SLC35D4: variants seen among roughly 807,000 people sequenced by gnomAD.
The protein encoded by SLC35D4 is UDP-N-acetylglucosamine transporter SLC35D4.
chr18:23,325,145 G>C, the SLC35D4 span, among the ~76,000 whole-genome samples: 18 of 152,014 alleles, frequency 1.2e-4, no homozygotes, highest in African/African-American at 4.4e-4. Flanking sequence ...ACCTCAGGCA[G>C]ACCCATCCCC....
the SLC35D4 span, among the ~76,000 whole-genome samples, chr18:23,389,011 T>C: frequency 6.9e-6 from 1 of 145,902 alleles, no homozygotes; most frequent in Non-Finnish European, 1.5e-5. Context: ...TTTTTTTGAG[T>C]TGGAGTCTTG....
chr18:23,361,103 CAAAAAAA>C, the SLC35D4 span, among the ~76,000 whole-genome samples: 10 of 94,118 alleles, frequency 1.1e-4, no homozygotes, highest in East Asian at 2.8e-4. Flanking sequence ...GACTTTGTCT[CAAAAAAA>C]AAAAAAAAAA....
At chr18:23,364,572 G>A in the SLC35D4 span, among the ~76,000 whole-genome samples, 1 of 152,144 alleles carries the variant, frequency 6.6e-6, no homozygotes, top group Non-Finnish European at 1.5e-5. Flanking sequence ...AATCTGAAAA[G>A]CAACAACAGA....
chr18:23,323,347 G>A, the SLC35D4 span, among the ~76,000 whole-genome samples: 4 of 152,180 alleles, frequency 2.6e-5, no homozygotes, highest in African/African-American at 7.2e-5. Flanking sequence ...CCCAGACCCC[G>A]ACACTTCCTT....
the SLC35D4 span, among the ~76,000 whole-genome samples, chr18:23,405,511 A>G: frequency 6.6e-6 from 1 of 152,212 alleles, no homozygotes; most frequent in Non-Finnish European, 1.5e-5. Flanking sequence ...TTTATAAGCC[A>G]GCTGGTCTAT....
the SLC35D4 span, among the ~76,000 whole-genome samples, chr18:23,413,964 A>T: frequency 6.7e-6 from 1 of 148,834 alleles, no homozygotes; most frequent in Non-Finnish European, 1.5e-5. Context: ...ATTAAAAAAA[A>T]AAAAAAAGAG....
the SLC35D4 span, among the ~76,000 whole-genome samples, chr18:23,246,826 G>C: frequency 2.0e-5 from 3 of 151,868 alleles, 1 homozygote; most frequent in African/African-American, 4.9e-5. Context: ...CCAAGTAGCT[G>C]AGGCTATAGG....
the SLC35D4 span, among the ~76,000 whole-genome samples, chr18:23,293,795 T>C: frequency 6.6e-6 from 1 of 152,140 alleles, no homozygotes; most frequent in Non-Finnish European, 1.5e-5. Context: ...TTATTTTTCT[T>C]TTATTGTTAT....
chr18:23,410,268 C>CAGG, the SLC35D4 span, among the ~76,000 whole-genome samples: 14 of 151,058 alleles, frequency 9.3e-5, no homozygotes, highest in South Asian at 4.2e-4. Flanking sequence ...ATCACGAGGT[C>CAGG]AGATCGAGAC....
At chr18:23,314,443 C>G in the SLC35D4 span, among the ~76,000 whole-genome samples, 6 of 152,208 alleles carry the variant, frequency 3.9e-5, no homozygotes, top group Non-Finnish European at 7.3e-5. Flanking sequence ...AACAAGCCTA[C>G]TGCAATGTGC....
chr18:23,325,826 G>C, the SLC35D4 span, among the ~76,000 whole-genome samples: 1 of 152,134 alleles, frequency 6.6e-6, no homozygotes, highest in East Asian at 1.9e-4. Flanking sequence ...CTGCTGGCAA[G>C]GGCCCCCCCA....
At chr18:23,365,355 G>A in the SLC35D4 span, among the ~76,000 whole-genome samples, 1 of 152,280 alleles carries the variant, frequency 6.6e-6, no homozygotes, top group African/African-American at 2.4e-5. Context: ...TCAGAAGCGG[G>A]CAAAATAAGC....
chr18:23,260,231 A>G, the SLC35D4 span: 2 of 152,188 alleles, frequency 1.3e-5, no homozygotes, highest in Non-Finnish European at 2.9e-5. Flanking sequence ...CAGGAAATTC[A>G]TACCAAATGC....
At chr18:23,399,896 G>A in the SLC35D4 span, among the ~76,000 whole-genome samples, 2 of 152,210 alleles carry the variant, frequency 1.3e-5, no homozygotes, top group African/African-American at 4.8e-5. Flanking sequence ...AATGGCAAAC[G>A]CCTTGCTGCA....
the SLC35D4 span, chr18:23,377,008 T>C: frequency 2.2e-6 from 1 of 454,942 alleles, no homozygotes; most frequent in African/African-American, 2.0e-5. Context: ...GCAGTAGAAA[T>C]CCTAAATCCA....
At chr18:23,421,671 C>A in the SLC35D4 span, among the ~76,000 whole-genome samples, 1 of 151,084 alleles carries the variant, frequency 6.6e-6, no homozygotes, top group Admixed American at 6.6e-5. Flanking sequence ...ACATTCTTCT[C>A]CTCTTTTTTT....
chr18:23,369,248 A>C, the SLC35D4 span, among the ~76,000 whole-genome samples: 1 of 152,232 alleles, frequency 6.6e-6, no homozygotes, highest in Non-Finnish European at 1.5e-5. Context: ...TGCTCCAGGG[A>C]GTGGAAGCCC....
the SLC35D4 span, among the ~76,000 whole-genome samples, chr18:23,351,946 C>T: frequency 6.6e-6 from 1 of 152,212 alleles, no homozygotes; most frequent in East Asian, 1.9e-4. Flanking sequence ...GACACCTGCA[C>T]AGCCTCCAGG....
chr18:23,327,805 A>G, the SLC35D4 span, among the ~76,000 whole-genome samples: 2 of 152,262 alleles, frequency 1.3e-5, no homozygotes, highest in Admixed American at 6.5e-5. Flanking sequence ...AAAATCCTCA[A>G]TAAAATACTG....
Sources: gnomAD v4.1 joint callset for allele counts (sites outside exome capture counted in the v4.1 genomes callset) on GRCh38, gnomAD v4.1.1 for gene constraint, MANE v1.5 for transcripts, NCBI Gene and HGNC (gene_info 2026-07-23, HGNC 2026-07-21) for gene names.